The following ZNF813 variants were observed in gnomAD, a reference collection of about 807,000 sequenced individuals.
ZNF813 encodes zinc finger protein 813.
Under a neutral mutation model 7.2 loss-of-function variants are expected in ZNF813, and 3 were observed. That is an observed-to-expected ratio of 0.42 (90% confidence interval 0.19 to 1.08). The LOEUF (loss-of-function observed/expected upper bound fraction) is 1.08. Ranked by LOEUF, ZNF813 falls within the 50% of genes least tolerant of loss-of-function variation. The pLI is 0.30. For synonymous variants in ZNF813, 227 were observed against 256.3 expected (o/e 0.89, Z 1.09); for missense variants, 714 against 753.3 (o/e 0.95, Z 0.61).
At chr19:53,478,671 G>A (rs536769936) in intron 1 of ZNF813, among the ~76,000 whole-genome samples, 2 of 152,166 alleles carry the variant, frequency 1.3e-5, no homozygotes, top group East Asian at 3.9e-4. Flanking sequence ...ACAGTTACTG[G>A]GAAGGCCAAG....
At chr19:53,477,573 T>G (rs2086387703) in intron 1 of ZNF813, among the ~76,000 whole-genome samples, 1 of 152,104 alleles carries the variant, frequency 6.6e-6, no homozygotes, top group African/African-American at 2.4e-5. Context: ...CCCACCATTT[T>G]TGGAGCCTGG....
rs754767274 is a variant in ZNF813, at chr19:53,491,577, A to G, written c.1345A>G (p.Ser449Gly). 6.2e-7 allele frequency: 1 copy of G among 1,613,472 alleles called. No homozygotes were observed. The highest frequency in any genetic ancestry group is 8.5e-7 in the Non-Finnish European group (1 of 1,179,624). ...YKCTECVKTF[S>G]RNSALVIHKA... ...GTGTACTGAGTGTGTCAAGACGTTC[A>G]GTCGAAATTCAGCCCTTGTAATTCA... Residue 449 changes from serine to glycine, a missense_variant, in exon 4 of 4, where the codon AGT becomes GGT. By Grantham distance (56) the Ser-to-Gly change is moderately conservative (BLOSUM62 0). This residue lies in a region of ZNF813 where 563 missense variants were observed against 554.2 expected (regional missense o/e 1.02). Transcript: ENST00000396403.
chr19:53,473,873 A>G (rs556383486), intron 1 of ZNF813, among the ~76,000 whole-genome samples: 81 of 152,306 alleles, frequency 5.3e-4, no homozygotes, highest in African/African-American at 1.9e-3. Flanking sequence ...GTGGGGGTGC[A>G]CCTGACTCAG....
chr19:53,489,763 A>G (rs1257090385), intron 3 of ZNF813, among the ~76,000 whole-genome samples: 1 of 152,090 alleles, frequency 6.6e-6, no homozygotes, highest in East Asian at 1.9e-4. Flanking sequence ...CAGTGTTGCA[A>G]TCTCAGCTCA....
intron 1 of ZNF813, chr19:53,479,608 G>A (rs2086397832): frequency 1.6e-6 from 2 of 1,213,022 alleles, no homozygotes; most frequent in Non-Finnish European, 2.4e-6. Context: ...TGATGAGAGT[G>A]AGAGAGATAC....
chr19:53,481,344 C>CTTTTTTTTTTTTTTTTTTTTTTTTTT lies in ZNF813; in HGVS notation c.-73-2387_-73-2386insTTTTTTTTTTTTTTTTTTTTTTTTTT, dbSNP rs66842546. ...GCTATTCTAAAAGCACCCATGTATT[C>CTTTTTTTTTTTTTTTTTTTTTTTTTT]TTTTTTTTTTTTTTTTTTTGAGATG... On this transcript the variant is annotated intron_variant, in intron 1 of 3. Transcript: ENST00000396403. Among the ~76,000 whole-genome samples, 11 of 106,400 alleles carry CTTTTTTTTTTTTTTTTTTTTTTTTTT rather than the reference C, an allele frequency of 1.0e-4. 3 individuals carry two copies. Among genetic ancestry groups the CTTTTTTTTTTTTTTTTTTTTTTTTTT allele is most frequent in the African/African-American group, 3.2e-4 (8 of 24,648 alleles). 69.8% of individuals were successfully genotyped at this position (106,400 alleles called of 152,430 possible).
At chr19:53,476,644 G>T (rs2086383085) in intron 1 of ZNF813, among the ~76,000 whole-genome samples, 1 of 147,694 alleles carries the variant, frequency 6.8e-6, no homozygotes, top group African/African-American at 2.5e-5. Flanking sequence ...AAAAAAAAAA[G>T]ATTGTGGGAG....
In ZNF813 at chr19:53,492,866, A is replaced by G; in HGVS notation, c.*780A>G. On this transcript the variant is annotated 3_prime_UTR_variant, in exon 4 of 4. Transcript: ENST00000396403. ...AAACATAGGAGAATTCATACAGGAG[A>G]GAAACCTCACGTGTGATGATTGTGG... 1 of 470,198 alleles carries G rather than the reference A, an allele frequency of 2.1e-6. No individual in the cohort carries two copies. Among genetic ancestry groups the G allele is most frequent in the Non-Finnish European group, 4.3e-6 (1 of 234,432 alleles). The allele number at this position is 470,198 out of a possible 1,614,324, so 29.1% of individuals were successfully genotyped here. A position where few individuals can be genotyped will look rare whatever the true frequency, so the allele number is the denominator to read the frequency against.
chr19:53,474,511 G>A (rs1419018803), intron 1 of ZNF813, among the ~76,000 whole-genome samples: 2 of 152,070 alleles, frequency 1.3e-5, no homozygotes, highest in Admixed American at 6.5e-5. Context: ...ACATGGTGAC[G>A]TCCAGTCTCT....
intron 1 of ZNF813, among the ~76,000 whole-genome samples, chr19:53,475,728 C>T (rs1334798340): frequency 6.6e-6 from 1 of 152,194 alleles, no homozygotes; most frequent in Non-Finnish European, 1.5e-5. Flanking sequence ...CATCTTAACA[C>T]CACGGAGTCT....
intron 1 of ZNF813, among the ~76,000 whole-genome samples, chr19:53,474,485 A>G (rs1351296998): frequency 4.6e-5 from 7 of 152,170 alleles, no homozygotes; most frequent in African/African-American, 1.7e-4. Flanking sequence ...TCCGGAGTTC[A>G]AGACCAGTAT....
chr19:53,483,987 C>G (rs2086421330), intron 2 of ZNF813, 150 bp downstream of exon 2: 4 of 1,545,494 alleles, frequency 2.6e-6, no homozygotes, highest in Non-Finnish European at 3.5e-6. Flanking sequence ...TCTTTTCTCA[C>G]TTAGATTCCA....
At chr19:53,480,924 C>T (rs2086405206) in intron 1 of ZNF813, among the ~76,000 whole-genome samples, 2 of 152,086 alleles carry the variant, frequency 1.3e-5, no homozygotes, top group South Asian at 4.1e-4. Flanking sequence ...TAAGGTGGGT[C>T]CAGGGGGCCA....
In ZNF813 at chr19:53,491,842, A is replaced by G. The variant is rs1169498595; in HGVS notation, c.1610A>G (p.His537Arg). The part of the protein sequence containing the change: ...ECGKVFNRKT[H>R]LAHHHRLHTG... The stretch of plus-strand genomic sequence containing the variant: ...GGCAAGGTTTTTAATCGAAAAACAC[A>G]CCTTGCACATCATCATAGACTTCAT... The change falls in exon 4 of 4, where the codon CAC (histidine) becomes CGC (arginine). Residue 537 changes from histidine to arginine, a missense_variant. By Grantham distance (29) the His-to-Arg change is conservative (BLOSUM62 0). Transcript: ENST00000396403. 1 of 1,613,692 alleles carries G rather than the reference A, an allele frequency of 6.2e-7. No homozygotes were observed. The highest frequency in any genetic ancestry group is 1.3e-5 in the African/African-American group (1 of 74,852).
chr19:53,492,000 C>T lies in ZNF813; in HGVS notation c.1768C>T (p.Gln590Ter), dbSNP rs199590458. 1.2e-4 allele frequency: 201 copies of T among 1,610,112 alleles called. No individual in the cohort carries two copies. The highest frequency in any genetic ancestry group is 1.6e-4 in the Non-Finnish European group (191 of 1,178,368). The change falls in exon 4 of 4, where the codon CAA becomes TAA. Residue 590 changes from glutamine to a stop codon, truncating the protein, a stop_gained. Coordinates refer to ENST00000396403, the MANE Select transcript of ZNF813 (RefSeq NM_001004301.4). LOFTEE classifies it low-confidence loss of function (END_TRUNC). Reference protein sequence around the residue: ...KCNECGKVFNQKANLARHHRL... With the variant: ...KCNECGKVFN ...TAATGAATGTGGCAAGGTTTTTAAT[C>T]AAAAAGCAAACCTTGCACGTCATCA... is the stretch of plus-strand genomic sequence containing the variant.
intron 3 of ZNF813, among the ~76,000 whole-genome samples, chr19:53,487,883 A>G (rs940099057): frequency 4.6e-5 from 7 of 151,510 alleles, no homozygotes; most frequent in African/African-American, 1.7e-4. Flanking sequence ...TTATTTGTGT[A>G]TGTTGCATTT....
rs372029444 is a variant in ZNF813, at chr19:53,486,650, G to A, written c.34G>A (p.Asp12Asn). The change falls in exon 3 of 4, where the codon GAT (aspartate) becomes AAT (asparagine). Residue 12 changes from aspartate (D) to asparagine (N), a missense_variant. By Grantham distance (23) the Asp-to-Asn change is conservative. This residue lies in a region of ZNF813 where 29 missense variants were observed against 52.3 expected (regional missense o/e 0.55). Coordinates refer to ENST00000396403, the MANE Select transcript of ZNF813 (RefSeq NM_001004301.4). ...ALPQGLLTFRDVAIEFSQEEW... is the reference protein window; with the variant it reads ...ALPQGLLTFRNVAIEFSQEEW... ...ATTTCAGGGTCTATTGACATTCAGG[G>A]ATGTGGCCATAGAATTCTCTCAGGA... 20 of 1,613,910 alleles carry A rather than the reference G, an allele frequency of 1.2e-5. No homozygotes were observed. Among genetic ancestry groups the A allele is most frequent in the Admixed American group, 1.0e-4 (6 of 59,996 alleles).
intron 1 of ZNF813, among the ~76,000 whole-genome samples, chr19:53,482,783 C>T (rs2086415682): frequency 1.6e-5 from 2 of 127,918 alleles, no homozygotes; most frequent in African/African-American, 6.0e-5. Flanking sequence ...TGAGTGCAGT[C>T]TTGTGATCTT....
At chr19:53,473,230 T>C (rs945845686) in intron 1 of ZNF813, among the ~76,000 whole-genome samples, 8 of 152,294 alleles carry the variant, frequency 5.3e-5, no homozygotes, top group East Asian at 1.9e-4. Context: ...ACTTGCTTGA[T>C]GAGTCCTCAA....
Sources: allele counts gnomAD v4.1 joint callset (sites outside exome capture counted in the v4.1 genomes callset), GRCh38; gene constraint gnomAD v4.1.1; regional missense constraint gnomAD v4.1.1; transcripts MANE v1.5; gene names NCBI Gene and HGNC (gene_info 2026-07-23, HGNC 2026-07-21).